Variants in AADAC observed in about 807,000 individuals in gnomAD.
AADAC encodes the protein arylacetamide deacetylase (esterase).
Under a neutral mutation model 22.7 loss-of-function variants are expected in AADAC, and 17 were observed. The ratio of observed to expected loss-of-function variants is 0.75; its 90% CI spans 0.51 to 1.12. AADAC has a LOEUF of 1.12. Ranked by LOEUF, AADAC falls within the 50% of genes most tolerant of loss-of-function variation. The probability of loss-of-function intolerance (pLI) is 0.00; values close to 1 mark genes in which losing one functional copy is unlikely to be tolerated. For synonymous variants in AADAC, 167 were observed against 176.3 expected, an observed-to-expected ratio of 0.95 and a Z score of 0.42; for missense variants, 465 against 473.9, an observed-to-expected ratio of 0.98 and a Z score of 0.17.
chr3:151,825,802 C>T (rs1183128803), intron 4 of AADAC, among the ~76,000 whole-genome samples: 1 of 151,956 alleles, frequency 6.6e-6, no homozygotes, highest in East Asian at 1.9e-4. Context: ...AACATCTAAA[C>T]TCTTTTCTCA....
rs540723216 is a variant in AADAC at position 151,827,605 on chromosome 3, A to G, written c.633A>G (p.Lys211=). 6.3e-7 allele frequency: 1 copy of G among 1,581,938 alleles called. No homozygotes were observed. The highest frequency in any genetic ancestry group is 8.6e-7 in the Non-Finnish European group (1 of 1,163,884). The stretch of plus-strand genomic sequence containing the variant: ...TTGATGACCCAGATGTCAAGATCAA[A>G]CTCAAGATCCAGTCTTTAATTTATC... ...QLLDDPDVKI[K]LKIQSLIYPA... The change falls in exon 5 of 5, where the codon AAA becomes AAG. Residue 211 remains lysine, a synonymous_variant. Coordinates refer to ENST00000232892, the MANE Select transcript of AADAC (RefSeq NM_001086.3).
chr3:151,817,330 C>G (rs746311598), intron 1 of AADAC, 36 bp from the exon 2 acceptor site: 4 of 1,570,916 alleles, frequency 2.5e-6, no homozygotes, highest in South Asian at 1.1e-5. Flanking sequence ...CCATTTGATA[C>G]TTGAATTTCA....
chr3:151,816,167 G>A (rs1245635944), intron 1 of AADAC, among the ~76,000 whole-genome samples: 1 of 152,008 alleles, frequency 6.6e-6, no homozygotes, highest in African/African-American at 2.4e-5. Flanking sequence ...AGGCAGGCAA[G>A]CTGCCCTCCC....
Position 151,820,431 on chromosome 3 carries a change from A to T in AADAC, c.410A>T (p.Asp137Val). The T allele has an allele frequency of 6.3e-7, 1 of 1,575,176 alleles. No individual in the cohort carries two copies. Among genetic ancestry groups the T allele is most frequent in the Non-Finnish European group, 8.6e-7 (1 of 1,156,968 alleles). The part of the protein sequence containing the change: ...LLSRWTADRL[D>V]AVVVSTNYRL... ...TCAAGATGGACAGCAGACAGACTTGATGCTGTCGTCGTATCAACCAAGTAA... is the reference window on the plus strand; with the variant it reads ...TCAAGATGGACAGCAGACAGACTTGTTGCTGTCGTCGTATCAACCAAGTAA... Residue 137 changes from aspartate (D) to valine (V), a missense_variant, in exon 3 of 5, where the codon GAT (aspartate) becomes GTT (valine). Transcript: ENST00000232892.
At chr3:151,814,408 T>A in intron 1 of AADAC, 108 bp downstream of exon 1, 1 of 1,159,446 alleles carries the variant, frequency 8.6e-7, no homozygotes, top group Non-Finnish European at 1.2e-6. Flanking sequence ...ATTCATCTTT[T>A]AAAATAACTG....
Position 151,824,777 on chromosome 3 carries a change from A to T in AADAC, c.546A>T (p.Arg182Ser). 6.2e-7 allele frequency: 1 copy of T among 1,607,322 alleles called. No individual in the cohort carries two copies. Among genetic ancestry groups the T allele is most frequent in the Non-Finnish European group, 8.5e-7 (1 of 1,176,702 alleles). ...CAAAATATGGTGTGAACCCTGAGAG[A>T]ATCGGTATTTCTGGAGATAGTGCAG... ...VLAKYGVNPE[R>S]IGISGDSAGG... The change falls in exon 4 of 5, where the codon AGA (arginine) becomes AGT (serine). Residue 182 changes from arginine to serine, a missense_variant. Arg to Ser is a moderately radical substitution (Grantham distance 110). Coordinates refer to ENST00000232892, the MANE Select transcript of AADAC (RefSeq NM_001086.3).
At chr3:151,819,214 G>A (rs1453572759) in intron 2 of AADAC, among the ~76,000 whole-genome samples, 3 of 151,982 alleles carry the variant, frequency 2.0e-5, no homozygotes, top group Non-Finnish European at 2.9e-5. Flanking sequence ...GAAGGAATAA[G>A]CAGACAGCAA....
At chr3:151,816,436 C>T (rs1261051247) in intron 1 of AADAC, among the ~76,000 whole-genome samples, 3 of 152,080 alleles carry the variant, frequency 2.0e-5, no homozygotes, top group Admixed American at 6.6e-5. Context: ...TCCCAAAGTA[C>T]TTTGTACAGA....
intron 3 of AADAC, among the ~76,000 whole-genome samples, chr3:151,823,920 T>C (rs1716357030): frequency 6.6e-6 from 1 of 152,026 alleles, no homozygotes; most frequent in South Asian, 2.1e-4. Flanking sequence ...GTTTAATTAT[T>C]TATAAGAACA....
intron 4 of AADAC, among the ~76,000 whole-genome samples, chr3:151,827,103 C>T (rs962204894): frequency 4.0e-5 from 6 of 151,588 alleles, no homozygotes; most frequent in South Asian, 2.1e-4. Flanking sequence ...TTAGTCAAGA[C>T]GGGTTTTTGC....
At chr3:151,819,317 G>A (rs758568296) in intron 2 of AADAC, among the ~76,000 whole-genome samples, 5 of 151,996 alleles carry the variant, frequency 3.3e-5, no homozygotes, top group African/African-American at 9.7e-5. Flanking sequence ...GTCCTGCATC[G>A]TGTAGAGATG....
chr3:151,823,861 C>A (rs1291109292), intron 3 of AADAC, among the ~76,000 whole-genome samples: 2 of 148,110 alleles, frequency 1.4e-5, no homozygotes, highest in Non-Finnish European at 3.0e-5. Context: ...GCCTAAATCC[C>A]CATAACATTT....
intron 2 of AADAC, among the ~76,000 whole-genome samples, chr3:151,819,593 A>G (rs1716148153): frequency 6.6e-6 from 1 of 152,060 alleles, no homozygotes; most frequent in African/African-American, 2.4e-5. Flanking sequence ...AGAAATATAA[A>G]CAAGTTGGTA....
At chr3:151,817,667 C>T in intron 2 of AADAC, 79 bp downstream of exon 2, 1 of 1,283,938 alleles carries the variant, frequency 7.8e-7, no homozygotes, top group Admixed American at 1.8e-5. Flanking sequence ...GGTACACATG[C>T]CCTTCGGCAT....
rs746221568 is a variant in AADAC at position 151,814,290 on chromosome 3, T to A, written c.128T>A (p.Ile43Lys). ...TGGATAAACGCACATCTGAAAACTA[T>A]ACAAAATTTGGTAAGTTTGGAATTT... ...MMWINAHLKT[I>K]QNLATFVELL... Residue 43 changes from isoleucine (I) to lysine (K), a missense_variant, in exon 1 of 5, where the codon ATA becomes AAA. Physicochemically the swap from Ile to Lys is moderately radical, Grantham distance 102 (BLOSUM62 -3). Transcript: ENST00000232892. The A allele has an allele frequency of 1.2e-6, 2 of 1,611,032 alleles. No individual in the cohort carries two copies. Among genetic ancestry groups the A allele is most frequent in the South Asian group, 1.1e-5 (1 of 90,654 alleles).
At chr3:151,827,165 G>T (rs1560314389) in intron 4 of AADAC, among the ~76,000 whole-genome samples, 1 of 151,854 alleles carries the variant, frequency 6.6e-6, no homozygotes, top group East Asian at 1.9e-4. Context: ...CCACACTTCA[G>T]CCTTGCAAAG....
At position 151,827,672 on chromosome 3, in the gene AADAC, G is replaced by C. The variant is rs775973723; in HGVS notation, c.700G>C (p.Glu234Gln). The C allele has an allele frequency of 4.3e-6, 7 of 1,612,448 alleles. No homozygotes were observed. Among genetic ancestry groups the C allele is most frequent in the Non-Finnish European group, 5.9e-6 (7 of 1,179,028 alleles). ...TGATGTAGATTTACCGTCATATCAAGAAAATTCAAATTTTCTATTTCTATC... is the reference window on the plus strand; with the variant it reads ...TGATGTAGATTTACCGTCATATCAACAAAATTCAAATTTTCTATTTCTATC... ...PLDVDLPSYQENSNFLFLSKS... is the reference protein window; with the variant it reads ...PLDVDLPSYQQNSNFLFLSKS... Residue 234 changes from glutamate to glutamine, a missense_variant, in exon 5 of 5, where the codon GAA (glutamate) becomes CAA (glutamine). Glu to Gln is a conservative substitution (Grantham distance 29). Coordinates refer to ENST00000232892, the MANE Select transcript of AADAC (RefSeq NM_001086.3).
chr3:151,823,894 T>C (rs1001279873), intron 3 of AADAC, among the ~76,000 whole-genome samples: 2 of 152,040 alleles, frequency 1.3e-5, no homozygotes, highest in Non-Finnish European at 2.9e-5. Flanking sequence ...AAATATTTAT[T>C]TAGTATTTAT....
chr3:151,819,642 G>A (rs1177566265), intron 2 of AADAC, among the ~76,000 whole-genome samples: 1 of 151,966 alleles, frequency 6.6e-6, no homozygotes, highest in African/African-American at 2.4e-5. Flanking sequence ...AAATATGTTA[G>A]CCAAGTAATG....
Sources: allele counts gnomAD v4.1 joint callset (sites outside exome capture counted in the v4.1 genomes callset), GRCh38; gene constraint gnomAD v4.1.1; transcripts MANE v1.5; gene names NCBI Gene and HGNC (gene_info 2026-07-23, HGNC 2026-07-21).